The following PDE7A variants were observed in gnomAD, a reference collection of about 807,000 sequenced individuals.
PDE7A encodes the protein high affinity 3',5'-cyclic-AMP phosphodiesterase 7A.
In PDE7A, 39 loss-of-function variants were observed where a neutral mutation model predicts 64.3. The observed-to-expected ratio is 0.61, with a 90% confidence interval of 0.47 to 0.79. The LOEUF (loss-of-function observed/expected upper bound fraction) is 0.79. Ranked by LOEUF, PDE7A falls within the 30% of genes least tolerant of loss-of-function variation. The probability of loss-of-function intolerance (pLI) is 0.00; values close to 1 mark genes in which losing one functional copy is unlikely to be tolerated. For synonymous variants in PDE7A, 203 were observed against 206.8 expected, an observed-to-expected ratio of 0.98 and a Z score of 0.16; for missense variants, 470 against 582.8, an observed-to-expected ratio of 0.81 and a Z score of 1.99.
At chr8:65,818,142 C>G (rs1407062690) in intron 1 of PDE7A, among the ~76,000 whole-genome samples, 1 of 152,006 alleles carries the variant, frequency 6.6e-6, no homozygotes. Context: ...TCCTTTAGTT[C>G]TTTTCACATA....
chr8:65,751,243 T>G (rs1807939723), intron 3 of PDE7A, among the ~76,000 whole-genome samples: 1 of 152,222 alleles, frequency 6.6e-6, no homozygotes, highest in Non-Finnish European at 1.5e-5. Context: ...CAAAGTTTTG[T>G]CTAAGATTTA....
rs1249049609 is a variant in PDE7A, at chr8:65,714,549, C to G, written c.*4741G>C. On this transcript the variant is annotated 3_prime_UTR_variant, in exon 13 of 13. Coordinates refer to ENST00000401827, the MANE Select transcript of PDE7A (RefSeq NM_001242318.3). ...ACAAGCTGCTAATTCTTGCACAGACCTGTATTACTCCGTGTTTCAAATGTA... is the reference window on the plus strand; with the variant it reads ...ACAAGCTGCTAATTCTTGCACAGACGTGTATTACTCCGTGTTTCAAATGTA... 2.0e-5 allele frequency: 3 copies of G among 152,108 alleles called. No individual in the cohort carries two copies. The highest frequency in any genetic ancestry group is 3.9e-4 in the East Asian group (2 of 5,192). 9.4% of individuals were successfully genotyped at this position (152,108 alleles called of 1,614,324 possible). A position where few individuals can be genotyped will look rare whatever the true frequency, so the allele number is the denominator to read the frequency against.
intron 3 of PDE7A, among the ~76,000 whole-genome samples, chr8:65,759,679 C>T (rs1808402134): frequency 6.6e-6 from 1 of 152,148 alleles, no homozygotes; most frequent in Non-Finnish European, 1.5e-5. Context: ...CTTACTCTGT[C>T]ATTTTGAATG....
Position 65,829,613 on chromosome 8 carries a change from C to T in PDE7A, c.138+11758G>A, listed in dbSNP as rs138817137. Among the ~76,000 whole-genome samples, 125 of 152,120 alleles carry T rather than the reference C, an allele frequency of 8.2e-4. 1 individual carries two copies. The highest frequency in any genetic ancestry group is 3.0e-3 in the African/African-American group (123 of 41,510). ...AAGTTGGAAGAACTAAATTTAAAGC[C>T]GTAACTTCTCCACTTTCTTACTGTG... On this transcript the variant is annotated intron_variant, in intron 1 of 12. Transcript: ENST00000401827.
chr8:65,757,601 TTTTTGTTTTG>T lies in PDE7A; in HGVS notation c.284-9808_284-9799del, dbSNP rs368448878. Among the ~76,000 whole-genome samples, 546 of 148,674 alleles carry T rather than the reference TTTTTGTTTTG, an allele frequency of 3.7e-3. 3 individuals are homozygous for T. The highest frequency in any genetic ancestry group is 0.012 in the African/African-American group (490 of 41,420). The stretch of plus-strand genomic sequence containing the variant: ...TGTTGTCTCTTGCTCCAAGACTTTG[TTTTTGTTTTG>T]TTTTGTTTTGTTTTGTTTGTTTTTT... On this transcript the variant is annotated intron_variant, in intron 3 of 12. Coordinates refer to ENST00000401827, the MANE Select transcript of PDE7A (RefSeq NM_001242318.3).
intron 1 of PDE7A, among the ~76,000 whole-genome samples, chr8:65,830,823 T>C (rs1421079173): frequency 6.6e-6 from 1 of 152,040 alleles, no homozygotes; most frequent in East Asian, 1.9e-4. Flanking sequence ...ACTAAATTCA[T>C]GAATGAATTT....
intron 5 of PDE7A, among the ~76,000 whole-genome samples, chr8:65,744,164 C>T (rs1471202256): frequency 6.6e-6 from 1 of 151,698 alleles, no homozygotes; most frequent in African/African-American, 2.4e-5. Context: ...TGAATAAGAA[C>T]ACAAATCAAC....
intron 3 of PDE7A, among the ~76,000 whole-genome samples, chr8:65,767,426 T>C (rs1436541873): frequency 1.3e-5 from 2 of 152,220 alleles, no homozygotes; most frequent in East Asian, 3.8e-4. Context: ...TTGGTTTTCA[T>C]CCACAGTCCC....
At chr8:65,809,306 C>CT (rs1810185459) in intron 1 of PDE7A, among the ~76,000 whole-genome samples, 2 of 152,162 alleles carry the variant, frequency 1.3e-5, no homozygotes, top group Non-Finnish European at 1.5e-5. Context: ...AGAAAAACAG[C>CT]TTTATAATCA....
At chr8:65,798,206 A>ATATATATATATATATATTTTTTTTTTTTT in intron 1 of PDE7A, among the ~76,000 whole-genome samples, 1 of 73,834 alleles carries the variant, frequency 1.4e-5, no homozygotes, top group African/African-American at 5.8e-5. Context: ...ATATATATAT[A>ATATATATATATATATATTTTTTTTTTTTT]TTTTTTTTTT....
rs1460939963 is a variant in PDE7A, at chr8:65,841,537, C to G, written c.-29G>C. On this transcript the variant is annotated 5_prime_UTR_variant, in exon 1 of 13. Transcript: ENST00000401827. Reference sequence around the variant, plus strand: ...ATACGCCCGCCCTGCCTCCGCGCGGCGCCCGCCCTGCCGCGGCCGCCGGCC... The same window carrying G: ...ATACGCCCGCCCTGCCTCCGCGCGGGGCCCGCCCTGCCGCGGCCGCCGGCC... The G allele has an allele frequency of 5.0e-6, 7 of 1,407,426 alleles. No individual in the cohort carries two copies. In the African/African-American group the frequency reaches 9.0e-5, roughly 18 times the overall value. 87.2% of individuals were successfully genotyped at this position (1,407,426 alleles called of 1,614,324 possible). A position where few individuals can be genotyped will look rare whatever the true frequency, so the allele number is the denominator to read the frequency against.
intron 1 of PDE7A, among the ~76,000 whole-genome samples, chr8:65,827,186 G>A (rs955701624): frequency 2.0e-4 from 31 of 152,078 alleles, no homozygotes; most frequent in African/African-American, 7.0e-4. Context: ...TAACCTTCCC[G>A]CTCCAAAAGT....
intron 1 of PDE7A, among the ~76,000 whole-genome samples, chr8:65,803,450 G>T (rs776972400): frequency 1.3e-5 from 2 of 152,168 alleles, no homozygotes; most frequent in Non-Finnish European, 2.9e-5. Context: ...TCAATTTTCA[G>T]TCAGCTGCAT....
chr8:65,756,231 T>C (rs1808234826), intron 3 of PDE7A, among the ~76,000 whole-genome samples: 1 of 152,250 alleles, frequency 6.6e-6, no homozygotes, highest in Admixed American at 6.5e-5. Context: ...CTATAGTGTG[T>C]CTCAGTGTGG....
intron 3 of PDE7A, among the ~76,000 whole-genome samples, chr8:65,757,420 G>C (rs75344998): frequency 0.025 from 3,822 of 152,180 alleles, 177 homozygotes; most frequent in African/African-American, 0.086. Context: ...TTAATAACTA[G>C]TCCAGTCCAT....
chr8:65,768,013 G>A (rs74805159), intron 3 of PDE7A, among the ~76,000 whole-genome samples: 7,381 of 152,120 alleles, frequency 0.049, 240 homozygotes, highest in Non-Finnish European at 0.073. Flanking sequence ...AACCTGTGGG[G>A]TCTGACACTC....
intron 3 of PDE7A, among the ~76,000 whole-genome samples, chr8:65,777,282 T>C (rs1191975263): frequency 1.3e-5 from 2 of 152,064 alleles, no homozygotes; most frequent in African/African-American, 4.8e-5. Flanking sequence ...TTTCTCTATG[T>C]TGGTCAGGCT....
At position 65,723,638 on chromosome 8, in the gene PDE7A, G is replaced by C. The variant is rs752052726; in HGVS notation, c.1163-17C>G. 1.3e-6 allele frequency: 2 copies of C among 1,492,286 alleles called. No homozygotes were observed. The highest frequency in any genetic ancestry group is 2.6e-5 in the East Asian group (1 of 39,208). The allele number at this position is 1,492,286 out of a possible 1,614,324, so 92.4% of individuals were successfully genotyped here. On this transcript the variant is annotated splice_polypyrimidine_tract_variant and intron_variant, in intron 11 of 12. Coordinates refer to ENST00000401827, the MANE Select transcript of PDE7A (RefSeq NM_001242318.3). ...CTATATCTCCTATAAATTAAAAAAA[G>C]AGAAGTATTAATATGAAGAATATCT... is the stretch of plus-strand genomic sequence containing the variant.
chr8:65,757,826 C>T (rs1203286801), intron 3 of PDE7A, among the ~76,000 whole-genome samples: 5 of 152,162 alleles, frequency 3.3e-5, no homozygotes, highest in African/African-American at 1.2e-4. Flanking sequence ...ACCATATTGG[C>T]CAGGCTGGTC....
Sources: allele counts gnomAD v4.1 joint callset (sites outside exome capture counted in the v4.1 genomes callset), GRCh38; gene constraint gnomAD v4.1.1; transcripts MANE v1.5; gene names NCBI Gene and HGNC (gene_info 2026-07-23, HGNC 2026-07-21).